Variants in CADM1 observed in about 807,000 individuals in gnomAD.
The protein encoded by CADM1 is TSLC-1.
Under a neutral mutation model 53.1 loss-of-function variants are expected in CADM1, and 15 were observed. That is an observed-to-expected ratio of 0.28 (90% CI 0.19 to 0.44). The LOEUF is 0.44. CADM1 is among the 20% of genes least tolerant of loss of function. The pLI, the probability that CADM1 is intolerant of heterozygous loss-of-function variation, is 1.00. For synonymous variants in CADM1, 281 were observed against 243.0 expected, an observed-to-expected ratio of 1.16 and a Z score of -1.45; for missense variants, 434 against 611.3, an observed-to-expected ratio of 0.71 and a Z score of 3.06.
chr11:115,405,926 G>A (rs1182434063), intron 1 of CADM1, among the ~76,000 whole-genome samples: 1 of 152,080 alleles, frequency 6.6e-6, no homozygotes, highest in Admixed American at 6.6e-5. Context: ...GAGAGAGGAC[G>A]TCCAAACACG....
At chr11:115,345,679 T>A (rs1318969393) in intron 1 of CADM1, among the ~76,000 whole-genome samples, 1 of 152,200 alleles carries the variant, frequency 6.6e-6, no homozygotes, top group Non-Finnish European at 1.5e-5. Flanking sequence ...GTACTTAAGT[T>A]GCTGATGTTT....
At chr11:115,500,361 T>A (rs1159362874) in intron 1 of CADM1, among the ~76,000 whole-genome samples, 1 of 152,200 alleles carries the variant, frequency 6.6e-6, no homozygotes, top group African/African-American at 2.4e-5. Context: ...CAATTAGGCA[T>A]TAAAATGTCA....
chr11:115,451,993 A>G (rs1303982261), intron 1 of CADM1, among the ~76,000 whole-genome samples: 1 of 152,190 alleles, frequency 6.6e-6, no homozygotes, highest in Non-Finnish European at 1.5e-5. Context: ...AACTTCTGGA[A>G]GAGAAACCGA....
intron 1 of CADM1, among the ~76,000 whole-genome samples, chr11:115,490,839 C>T (rs564338401): frequency 2.0e-5 from 3 of 152,120 alleles, no homozygotes; most frequent in Admixed American, 6.5e-5. Context: ...GACAAGGGAC[C>T]TATTACTGTC....
At chr11:115,241,242 T>C (rs539677338) in intron 1 of CADM1, among the ~76,000 whole-genome samples, 1 of 152,204 alleles carries the variant, frequency 6.6e-6, no homozygotes, top group South Asian at 2.1e-4. Context: ...ATAAATGTCC[T>C]AAATGATCCA....
chr11:115,213,832 T>G (rs1176031649), intron 7 of CADM1, among the ~76,000 whole-genome samples: 1 of 152,194 alleles, frequency 6.6e-6, no homozygotes, highest in Non-Finnish European at 1.5e-5. Flanking sequence ...TTTTGGCATA[T>G]GAGGCTTCAA....
chr11:115,286,670 C>T lies in CADM1; in HGVS notation c.125-46250G>A, dbSNP rs558348323. Among the ~76,000 whole-genome samples, 6 of 152,290 alleles carry T rather than the reference C, an allele frequency of 3.9e-5. No homozygotes were observed. In the South Asian group the frequency reaches 1.2e-3, roughly 32 times the overall value. On this transcript the variant is annotated intron_variant, in intron 1 of 11. Coordinates refer to ENST00000331581, the MANE Select transcript of CADM1 (RefSeq NM_001301043.2). The stretch of plus-strand genomic sequence containing the variant: ...CAGAACCCAACTGGGGTAAAACATA[C>T]ATTCTGGTAGTTCAATTTGTTATGT...
intron 1 of CADM1, among the ~76,000 whole-genome samples, chr11:115,497,068 T>C (rs1371223978): frequency 6.6e-6 from 1 of 152,160 alleles, no homozygotes; most frequent in Non-Finnish European, 1.5e-5. Context: ...AACTAGACAC[T>C]GCAGTCCAGT....
At chr11:115,414,658 G>A (rs220845) in intron 1 of CADM1, among the ~76,000 whole-genome samples, 55,221 of 151,970 alleles carry the variant, frequency 0.36, 11,209 homozygotes, top group Non-Finnish European at 0.47. Flanking sequence ...CCACTAGAAC[G>A]GAAAAGTCAC....
At chr11:115,318,644 G>A (rs1392357101) in intron 1 of CADM1, among the ~76,000 whole-genome samples, 2 of 152,162 alleles carry the variant, frequency 1.3e-5, no homozygotes, top group Non-Finnish European at 2.9e-5. Context: ...ACGGGTAGAA[G>A]GCAAGGAAAG....
chr11:115,327,096 A>T (rs1204542235), intron 1 of CADM1, among the ~76,000 whole-genome samples: 1 of 151,546 alleles, frequency 6.6e-6, no homozygotes, highest in Non-Finnish European at 1.5e-5. Context: ...TATACATGTT[A>T]TCTTATCTAC....
At chr11:115,452,485 TC>T (rs1395283121) in intron 1 of CADM1, among the ~76,000 whole-genome samples, 2 of 152,328 alleles carry the variant, frequency 1.3e-5, no homozygotes, top group South Asian at 4.1e-4. Flanking sequence ...TTAAAAGTTG[TC>T]ATTTAATATC....
intron 1 of CADM1, among the ~76,000 whole-genome samples, chr11:115,492,932 T>TACACACACACACACACACACAC (rs57800253): frequency 1.4e-5 from 2 of 146,754 alleles, no homozygotes; most frequent in African/African-American, 5.0e-5. Flanking sequence ...GGATATTTTA[T>TACACACACACACACACACACAC]ACACACACAC....
At chr11:115,249,618 G>C (rs1457184610) in intron 1 of CADM1, among the ~76,000 whole-genome samples, 1 of 152,156 alleles carries the variant, frequency 6.6e-6, no homozygotes, top group Non-Finnish European at 1.5e-5. Flanking sequence ...ACAAATATTA[G>C]GTTCTACTGT....
chr11:115,261,717 T>A (rs930054411), intron 1 of CADM1, among the ~76,000 whole-genome samples: 10 of 152,346 alleles, frequency 6.6e-5, no homozygotes, highest in South Asian at 2.1e-4. Context: ...GTAAAAATAT[T>A]TGTTCTTGTT....
chr11:115,481,474 A>G (rs1949256223), intron 1 of CADM1, among the ~76,000 whole-genome samples: 1 of 152,112 alleles, frequency 6.6e-6, no homozygotes, highest in African/African-American at 2.4e-5. Flanking sequence ...CGTTCCTGAC[A>G]TTCTGTCCTT....
chr11:115,421,488 A>G (rs960267303), intron 1 of CADM1, among the ~76,000 whole-genome samples: 1 of 152,174 alleles, frequency 6.6e-6, no homozygotes, highest in Non-Finnish European at 1.5e-5. Flanking sequence ...TCACTACACT[A>G]TTTCTGCCTG....
At chr11:115,293,055 A>G (rs1211447178) in intron 1 of CADM1, among the ~76,000 whole-genome samples, 1 of 152,210 alleles carries the variant, frequency 6.6e-6, no homozygotes, top group Non-Finnish European at 1.5e-5. Context: ...ACAATTAGCC[A>G]TCATTTAAAC....
chr11:115,277,536 G>C (rs949756551), intron 1 of CADM1, among the ~76,000 whole-genome samples: 2 of 152,032 alleles, frequency 1.3e-5, no homozygotes, highest in African/African-American at 4.8e-5. Context: ...ACAATTACTA[G>C]GGTCGAGTAA....
Sources: allele counts gnomAD v4.1 joint callset (sites outside exome capture counted in the v4.1 genomes callset), GRCh38; gene constraint gnomAD v4.1.1; transcripts MANE v1.5; gene names NCBI Gene and HGNC (gene_info 2026-07-23, HGNC 2026-07-21).